TOPBP1: variants seen among roughly 807,000 people sequenced by gnomAD.
TOPBP1 encodes the protein DNA topoisomerase II binding protein 1.
In TOPBP1, 28 loss-of-function variants were observed where a neutral mutation model predicts 167.7. The ratio of observed to expected loss-of-function variants is 0.17; its 90% CI spans 0.12 to 0.23. The LOEUF (loss-of-function observed/expected upper bound fraction) is 0.23, where lower values mean the gene tolerates loss of function less well. Ranked by LOEUF, TOPBP1 falls within the 10% of genes least tolerant of loss-of-function variation. The probability of loss-of-function intolerance (pLI) is 1.00; values close to 1 mark genes in which losing one functional copy is unlikely to be tolerated. For missense variants in TOPBP1, 1,554 were observed against 1,809.6 expected (o/e 0.86, Z 2.56); for synonymous variants, 598 against 611.4 (o/e 0.98, Z 0.32).
intron 27 of TOPBP1, among the ~76,000 whole-genome samples, 164 bp downstream of exon 27, chr3:133,608,371 A>G (rs950217430): frequency 3.3e-4 from 50 of 152,182 alleles, no homozygotes; most frequent in African/African-American, 1.2e-3. Context: ...TCATTATAAT[A>G]AAAAACACAA....
intron 16 of TOPBP1, among the ~76,000 whole-genome samples, chr3:133,627,324 A>G (rs936697807): frequency 3.3e-5 from 5 of 152,092 alleles, no homozygotes; most frequent in African/African-American, 1.2e-4. Flanking sequence ...ATTTTGAGGA[A>G]AAAAAAATAT....
In TOPBP1 at chr3:133,649,130, C is replaced by A. The variant is rs561683346; in HGVS notation, c.1504+253G>T. ...AGGCTCATGATATTACAAACTCACACACAAACCAAGCAATGCCTGTATATA... is the reference window on the plus strand; with the variant it reads ...AGGCTCATGATATTACAAACTCACAAACAAACCAAGCAATGCCTGTATATA... On this transcript the variant is annotated intron_variant, in intron 10 of 27. Coordinates refer to ENST00000260810, the MANE Select transcript of TOPBP1 (RefSeq NM_007027.4). Among the ~76,000 whole-genome samples, 408 of 152,178 alleles carry A rather than the reference C, an allele frequency of 2.7e-3. 1 individual carries two copies. Among genetic ancestry groups the A allele is most frequent in the Non-Finnish European group, 3.0e-3 (203 of 68,010 alleles).
intron 27 of TOPBP1, among the ~76,000 whole-genome samples, chr3:133,605,590 G>T (rs1934464287): frequency 6.6e-6 from 1 of 151,958 alleles, no homozygotes; most frequent in Non-Finnish European, 1.5e-5. Flanking sequence ...AATTAATGAT[G>T]AAAAAGAAAT....
At chr3:133,608,511 G>A (rs765881419) in intron 27 of TOPBP1, 24 bp downstream of exon 27, 4 of 1,611,268 alleles carry the variant, frequency 2.5e-6, no homozygotes, top group Non-Finnish European at 3.4e-6. Context: ...GTAATGAGGA[G>A]GTCAAGGATA....
chr3:133,612,795 ACTAG>A (rs1934725178), intron 23 of TOPBP1, among the ~76,000 whole-genome samples: 1 of 152,116 alleles, frequency 6.6e-6, no homozygotes, highest in Admixed American at 6.5e-5. Context: ...CCACACATAT[ACTAG>A]CTACCTATAT....
chr3:133,640,824 CCTA>C (rs1483503595), intron 12 of TOPBP1, among the ~76,000 whole-genome samples: 2 of 152,112 alleles, frequency 1.3e-5, no homozygotes, highest in African/African-American at 4.8e-5. Flanking sequence ...TATTTTTTAA[CCTA>C]CTACAACTTT....
chr3:133,652,456 G>A lies in TOPBP1; in HGVS notation c.1089+7C>T. 1 of 1,611,158 alleles carries A rather than the reference G, an allele frequency of 6.2e-7. No homozygotes were observed. The highest frequency in any genetic ancestry group is 2.2e-5 in the East Asian group (1 of 44,842). ...TCTACTGCATGTATTATATAATAAAGACGTACCCGACAACCATCTAATAAA... is the reference window on the plus strand; with the variant it reads ...TCTACTGCATGTATTATATAATAAAAACGTACCCGACAACCATCTAATAAA... On this transcript the variant is annotated splice_region_variant and intron_variant, in intron 8 of 27. Transcript: ENST00000260810.
intron 21 of TOPBP1, among the ~76,000 whole-genome samples, chr3:133,617,914 A>C (rs1202383834): frequency 1.3e-5 from 2 of 152,194 alleles, no homozygotes; most frequent in African/African-American, 2.4e-5. Flanking sequence ...CCAAGCATTA[A>C]CTCCACAAAC....
chr3:133,646,342 G>C (rs1936074085), intron 10 of TOPBP1, among the ~76,000 whole-genome samples: 1 of 151,944 alleles, frequency 6.6e-6, no homozygotes, highest in Admixed American at 6.6e-5. Flanking sequence ...AAGTACCCTT[G>C]GCTGAAGGAT....
intron 27 of TOPBP1, among the ~76,000 whole-genome samples, chr3:133,602,561 A>G (rs1934339648): frequency 1.3e-5 from 2 of 152,240 alleles, no homozygotes; most frequent in South Asian, 4.1e-4. Context: ...GTAAAATCTT[A>G]TTTGGGGCTA....
chr3:133,610,935 T>A (rs1307269253), intron 25 of TOPBP1, 69 bp downstream of exon 25: 13 of 1,400,870 alleles, frequency 9.3e-6, no homozygotes, highest in African/African-American at 2.9e-5. Flanking sequence ...CATTCTCTTT[T>A]AAAAAAAATG....
rs746804431 is a variant in TOPBP1 at position 133,628,604 on chromosome 3, C to T, written c.2650G>A (p.Ala884Thr). The T allele has an allele frequency of 3.1e-6, 5 of 1,610,758 alleles. No homozygotes were observed. The highest frequency in any genetic ancestry group is 1.7e-5 in the Admixed American group (1 of 59,526). The stretch of plus-strand genomic sequence containing the variant: ...TTCAGTTGAGGGCTGGCAGAAAGAG[C>T]GACAGCATTTCGAGAGCTATTTGCC... ...ALANSSRNAV[A>T]LSASPQLKEA... is the part of the protein sequence containing the mutation. Residue 884 changes from alanine (A) to threonine (T), a missense_variant, in exon 15 of 28, where the codon GCT becomes ACT. Ala to Thr is a moderately conservative substitution (Grantham distance 58, BLOSUM62 0). Around this residue, in one of 3 missense-constraint regions of TOPBP1, gnomAD observed 1,197 missense variants for 1,351.5 expected, o/e 0.89. Transcript: ENST00000260810.
chr3:133,608,630 G>A lies in TOPBP1; in HGVS notation c.4330C>T (p.Leu1444=), dbSNP rs183271158. The A allele has an allele frequency of 6.2e-7, 1 of 1,613,622 alleles. No homozygotes were observed. The highest frequency in any genetic ancestry group is 8.5e-7 in the Non-Finnish European group (1 of 1,179,802). ...ATHLFSDLNK[L]KPDDSGVNIA... Reference sequence around the variant, plus strand: ...TTAACTCCTGAGTCATCTGGTTTCAGTTTATTCAAGTCAGAAAAAAGATGT... The same window carrying A: ...TTAACTCCTGAGTCATCTGGTTTCAATTTATTCAAGTCAGAAAAAAGATGT... The change falls in exon 27 of 28, where the codon CTG becomes TTG. Residue 1444 remains leucine, a synonymous_variant. Coordinates refer to ENST00000260810, the MANE Select transcript of TOPBP1 (RefSeq NM_007027.4).
chr3:133,628,347 A>G lies in TOPBP1; in HGVS notation c.2804+15T>C, dbSNP rs760683073. The G allele has an allele frequency of 3.8e-6, 6 of 1,579,176 alleles. No individual in the cohort carries two copies. The highest frequency in any genetic ancestry group is 5.2e-6 in the Non-Finnish European group (6 of 1,160,198). ...TCAGTCATATCACCATGAAACAGAAAGATGTGCCAACTACCTGTAATCTGC... is the reference window on the plus strand; with the variant it reads ...TCAGTCATATCACCATGAAACAGAAGGATGTGCCAACTACCTGTAATCTGC... On this transcript the variant is annotated intron_variant, in intron 16 of 27. Coordinates refer to ENST00000260810, the MANE Select transcript of TOPBP1 (RefSeq NM_007027.4).
Position 133,657,839 on chromosome 3 carries a change from C to T in TOPBP1, c.322G>A (p.Asp108Asn). The T allele has an allele frequency of 1.3e-6, 2 of 1,586,998 alleles. No individual in the cohort carries two copies. The highest frequency in any genetic ancestry group is 2.3e-5 in the East Asian group (1 of 43,030). The change falls in exon 4 of 28, where the codon GAT becomes AAT. Residue 108 changes from aspartate to asparagine, a missense_variant. Physicochemically the swap from Asp to Asn is conservative, Grantham distance 23 (BLOSUM62 1). Transcript: ENST00000260810. Reference sequence around the variant, plus strand: ...AGACTTGTACAAGATATGGTTACATCAGACATAACCATATTATAAACTGGA... The same window carrying T: ...AGACTTGTACAAGATATGGTTACATTAGACATAACCATATTATAAACTGGA... ...EHPVYNMVMS[D>N]VTISCTSLEK...
At chr3:133,604,841 C>G (rs1344397290) in intron 27 of TOPBP1, among the ~76,000 whole-genome samples, 1 of 151,820 alleles carries the variant, frequency 6.6e-6, no homozygotes, top group Non-Finnish European at 1.5e-5. Context: ...ATCACTTGAA[C>G]CTAGGAGGTG....
rs377371907 is a variant in TOPBP1 at position 133,645,899 on chromosome 3, A to T, written c.1505-1536T>A. The stretch of plus-strand genomic sequence containing the variant: ...CGCGGTGGCTCATGCCTGTAATCCC[A>T]GCACTTTGGGAGGCTGAGGTGGGTG... On this transcript the variant is annotated intron_variant, in intron 10 of 27. Transcript: ENST00000260810. Among the ~76,000 whole-genome samples the T allele has an allele frequency of 4.6e-5, 7 of 152,330 alleles. 1 individual carries two copies. Among genetic ancestry groups the T allele is most frequent in the Admixed American group, 6.5e-5 (1 of 15,302 alleles).
chr3:133,658,782 G>A (rs763813584), intron 3 of TOPBP1, among the ~76,000 whole-genome samples: 2 of 152,134 alleles, frequency 1.3e-5, no homozygotes, highest in African/African-American at 2.4e-5. Flanking sequence ...ACTAAAGCCT[G>A]GGCAACAGAA....
At chr3:133,632,679 C>T (rs1443712115) in intron 14 of TOPBP1, among the ~76,000 whole-genome samples, 1 of 152,188 alleles carries the variant, frequency 6.6e-6, no homozygotes, top group Non-Finnish European at 1.5e-5. Flanking sequence ...AAGTAGATCC[C>T]AATGCCTCTC....
Sources: gnomAD v4.1 joint callset for allele counts (sites outside exome capture counted in the v4.1 genomes callset) on GRCh38, gnomAD v4.1.1 for gene constraint, gnomAD v4.1.1 regional missense constraint, MANE v1.5 for transcripts, NCBI Gene and HGNC (gene_info 2026-07-23, HGNC 2026-07-21) for gene names.